Variants in MYT1L observed in about 807,000 individuals in gnomAD.
MYT1L encodes myelin transcription factor 1-like protein.
In MYT1L, 12 loss-of-function variants were observed where a neutral mutation model predicts 126.7. The ratio of observed to expected loss-of-function variants is 0.09; its 90% CI spans 0.06 to 0.15. The LOEUF is 0.15. Among genes scored for constraint, MYT1L ranks in the 10% least tolerant of loss-of-function variants. MYT1L has a pLI of 1.00. For missense variants in MYT1L, 979 were observed against 1,585.2 expected, an observed-to-expected ratio of 0.62 and a Z score of 6.49; for synonymous variants, 541 against 604.2, an observed-to-expected ratio of 0.90 and a Z score of 1.53.
chr2:1,861,244 C>T (rs747355328), intron 18 of MYT1L, among the ~76,000 whole-genome samples: 3 of 152,172 alleles, frequency 2.0e-5, no homozygotes, highest in Admixed American at 6.5e-5. Context: ...TATCTCCCTC[C>T]GGGAGGGTTT....
At chr2:1,902,109 TAC>T (rs1230265418) in intron 14 of MYT1L, among the ~76,000 whole-genome samples, 1 of 152,246 alleles carries the variant, frequency 6.6e-6, no homozygotes, top group African/African-American at 2.4e-5. Context: ...ATTACGTCTA[TAC>T]AGCCTAGAAT....
At position 1,840,817 on chromosome 2, in the gene MYT1L, T is replaced by C. The variant is rs762193262; in HGVS notation, c.2801A>G (p.Lys934Arg). 241 of 1,551,062 alleles carry C rather than the reference T, an allele frequency of 1.6e-4. No homozygotes were observed. Among genetic ancestry groups the C allele is most frequent in the Non-Finnish European group, 2.1e-4 (236 of 1,146,966 alleles). ...GCTCTGTGCTATCCTGATACCACTT[T>C]TCTTTGCTCTTGGGCAACCTGAAAG... ...RSLSGCPRAKKSGIRIAQSKE... is the reference protein window; with the variant it reads ...RSLSGCPRAKRSGIRIAQSKE... The change falls in exon 20 of 25, where the codon AAA becomes AGA. Residue 934 changes from lysine (K) to arginine (R), a missense_variant. By Grantham distance (26) the Lys-to-Arg change is conservative (BLOSUM62 2). Coordinates refer to ENST00000647738, the MANE Select transcript of MYT1L (RefSeq NM_001303052.2).
rs569266574 is a variant in MYT1L, at chr2:1,856,264, C to G, written c.2712-4561G>C. 9.2e-5 allele frequency among the ~76,000 whole-genome samples: 14 copies of G among 152,286 alleles called. No individual in the cohort carries two copies. In the East Asian group the frequency reaches 2.7e-3, roughly 29 times the overall value. On this transcript the variant is annotated intron_variant, in intron 18 of 24. Transcript: ENST00000647738. ...ACCCTTGGACTTGACCCCTTGTCCC[C>G]TTTGTGCTCCTGGCCTTGTCTTTAC...
rs1183077915 is a variant in MYT1L at position 1,793,960 on chromosome 2, C to T, written c.3277-1496G>A. On this transcript the variant is annotated intron_variant, in intron 23 of 24. Transcript: ENST00000647738. This position sits in a 1 kb window ranked among gnomAD's most constrained non-coding sequence, Gnocchi z 4.6. ...TAGCCCTTCCTGGGTGGCCACGTGC[C>T]TGCACTCACAGCTGGTGGCAGCTGT... Among the ~76,000 whole-genome samples, 1 of 152,208 alleles carries T rather than the reference C, an allele frequency of 6.6e-6. No individual in the cohort carries two copies. Among genetic ancestry groups the T allele is most frequent in the African/African-American group, 2.4e-5 (1 of 41,464 alleles).
At chr2:1,831,623 C>T (rs528844539) in intron 21 of MYT1L, among the ~76,000 whole-genome samples, 14 of 152,332 alleles carry the variant, frequency 9.2e-5, no homozygotes, top group South Asian at 2.1e-4. Context: ...TGTATTCCCA[C>T]GGCCAATGCC....
chr2:1,936,640 GTGAA>G lies in MYT1L; in HGVS notation c.505+6338_505+6341del, dbSNP rs201617125. ...CTCATTGCCTTTTCTGCTGACTGCA[GTGAA>G]AACTGGTTGGCTAATTCTGCTTTTC... is the stretch of plus-strand genomic sequence containing the variant. On this transcript the variant is annotated intron_variant, in intron 9 of 24. Transcript: ENST00000647738. 5.9e-3 allele frequency among the ~76,000 whole-genome samples: 905 copies of G among 152,298 alleles called. 7 individuals are homozygous for G. The highest frequency in any genetic ancestry group is 0.021 in the African/African-American group (854 of 41,556).
chr2:2,147,781 C>G (rs568441261), intron 3 of MYT1L, among the ~76,000 whole-genome samples: 1 of 152,344 alleles, frequency 6.6e-6, no homozygotes, highest in East Asian at 1.9e-4. Context: ...ACAGCTGGGG[C>G]ACATAGCAAG....
chr2:2,137,908 C>A (rs2083299780), intron 3 of MYT1L, among the ~76,000 whole-genome samples: 1 of 152,062 alleles, frequency 6.6e-6, no homozygotes, highest in Admixed American at 6.5e-5. Context: ...AGGCAACCCA[C>A]AAAATGGGAG....
At chr2:1,986,779 G>A (rs548024730) in intron 5 of MYT1L, among the ~76,000 whole-genome samples, 41 of 152,264 alleles carry the variant, frequency 2.7e-4, no homozygotes, top group Non-Finnish European at 4.6e-4. Flanking sequence ...CAAGGGGGTC[G>A]TCAGATGCTG....
chr2:2,259,670 A>G (rs2094911894), intron 2 of MYT1L, among the ~76,000 whole-genome samples: 1 of 152,198 alleles, frequency 6.6e-6, no homozygotes, highest in South Asian at 2.1e-4. Context: ...CTCGTCTTAT[A>G]GAAAATGTGG....
At chr2:2,010,541 T>C (rs1376725903) in intron 4 of MYT1L, among the ~76,000 whole-genome samples, 1 of 152,008 alleles carries the variant, frequency 6.6e-6, no homozygotes, top group Admixed American at 6.6e-5. Context: ...ACAGATTCAT[T>C]ATATTGGATC....
intron 2 of MYT1L, among the ~76,000 whole-genome samples, chr2:2,209,479 A>G (rs932152123): frequency 6.6e-6 from 1 of 152,122 alleles, no homozygotes. Context: ...AGTTTCCACA[A>G]GTATGTGAGA....
chr2:1,918,647 C>T (rs114843873), intron 10 of MYT1L, among the ~76,000 whole-genome samples: 2,064 of 152,310 alleles, frequency 0.014, 54 homozygotes, highest in African/African-American at 0.047. Context: ...AAAACACTCC[C>T]CTTTTCTTTT....
At chr2:1,871,467 G>A (rs967962011) in intron 18 of MYT1L, among the ~76,000 whole-genome samples, 60 of 152,230 alleles carry the variant, frequency 3.9e-4, no homozygotes, top group Admixed American at 1.3e-3. Flanking sequence ...TGGACACAGC[G>A]TGCCCCTGTG....
chr2:2,262,384 C>CA lies in MYT1L; in HGVS notation c.-421+22019dup, dbSNP rs1485684055. On this transcript the variant is annotated intron_variant, in intron 2 of 24. Transcript: ENST00000647738. ...GTCTCAAAACAAACAAACAAACAAA[C>CA]AACAACAAAAAAAAACCAAATAATT... Among the ~76,000 whole-genome samples the CA allele has an allele frequency of 4.0e-5, 6 of 150,102 alleles. No homozygotes were observed. The South Asian group carries it at 6.3e-4, about 16-fold the overall frequency.
intron 3 of MYT1L, among the ~76,000 whole-genome samples, chr2:2,091,697 C>A (rs548023451): frequency 1.5e-4 from 23 of 152,316 alleles, no homozygotes; most frequent in African/African-American, 5.5e-4. Context: ...TTCATCTACA[C>A]TGAAAATCTG....
intron 13 of MYT1L, among the ~76,000 whole-genome samples, chr2:1,909,950 C>G (rs1351010492): frequency 6.6e-6 from 1 of 152,224 alleles, no homozygotes; most frequent in Non-Finnish European, 1.5e-5. Flanking sequence ...ATCTAGCACT[C>G]AGACTCATGA....
At chr2:1,847,209 C>A (rs1167270264) in intron 19 of MYT1L, among the ~76,000 whole-genome samples, 7 of 152,160 alleles carry the variant, frequency 4.6e-5, no homozygotes, top group Admixed American at 4.6e-4. Context: ...CATTTGCAGT[C>A]AGGATACCAA....
At position 2,010,085 on chromosome 2, in the gene MYT1L, A is replaced by G. The variant is rs114873039; in HGVS notation, c.-157-12738T>C. ...TAAAGATTATTCTAAAGCTGTGCAA[A>G]GGCTCTGCCTTTACATTTTGGGCAT... On this transcript the variant is annotated intron_variant, in intron 4 of 24. Coordinates refer to ENST00000647738, the MANE Select transcript of MYT1L (RefSeq NM_001303052.2). Among the ~76,000 whole-genome samples the G allele has an allele frequency of 6.6e-3, 1,009 of 152,274 alleles. 9 individuals are homozygous for G. The highest frequency in any genetic ancestry group is 0.023 in the African/African-American group (958 of 41,564).
Sources: gnomAD v4.1 joint callset for allele counts (sites outside exome capture counted in the v4.1 genomes callset) on GRCh38, gnomAD v4.1.1 for gene constraint, Gnocchi (gnomAD v3.1) non-coding constraint, MANE v1.5 for transcripts, NCBI Gene and HGNC (gene_info 2026-07-23, HGNC 2026-07-21) for gene names.